WNT3A: variants seen among roughly 807,000 people sequenced by gnomAD.
WNT3A encodes the protein protein Wnt-3a.
WNT3A carries 17 observed loss-of-function variants against 37.0 expected under a neutral mutation model. That is an observed-to-expected ratio of 0.46 (90% CI 0.31 to 0.69). WNT3A has a LOEUF of 0.69. WNT3A is among the 30% of genes least tolerant of loss of function. The pLI is 0.05. For missense variants in WNT3A, 411 were observed against 510.2 expected, an observed-to-expected ratio of 0.81 and a Z score of 1.87; for synonymous variants, 187 against 211.0, an observed-to-expected ratio of 0.89 and a Z score of 0.99.
chr1:228,047,863 T>G (rs2031460094), intron 2 of WNT3A, among the ~76,000 whole-genome samples: 1 of 151,946 alleles, frequency 6.6e-6, no homozygotes, highest in East Asian at 1.9e-4. Context: ...TCACTCATAA[T>G]CTCGAGGACA....
intron 2 of WNT3A, among the ~76,000 whole-genome samples, chr1:228,046,676 T>C (rs1571811267): frequency 1.3e-5 from 2 of 150,958 alleles, no homozygotes; most frequent in East Asian, 3.9e-4. Flanking sequence ...GATGTGCATG[T>C]ATGTGAGTGC....
At chr1:228,036,302 A>C (rs1446360036) in intron 2 of WNT3A, among the ~76,000 whole-genome samples, 3 of 152,060 alleles carry the variant, frequency 2.0e-5, no homozygotes, top group African/African-American at 7.2e-5. Context: ...TAGCGTGTGC[A>C]TTGTGAGGGG....
Position 228,039,032 on chromosome 1 carries a change from C to T in WNT3A, c.314-11624C>T, listed in dbSNP as rs1371841428. On this transcript the variant is annotated intron_variant, in intron 2 of 3. Coordinates refer to ENST00000284523, the MANE Select transcript of WNT3A (RefSeq NM_033131.4). This position sits in a 1 kb window ranked among gnomAD's most constrained non-coding sequence, Gnocchi z 4.1. The stretch of plus-strand genomic sequence containing the variant: ...GTTGGGAGTCTGGGCCCCCAGCACC[C>T]GGCTGGACTGGCCACCATGGAGTCC... Among the ~76,000 whole-genome samples, 3 of 152,128 alleles carry T rather than the reference C, an allele frequency of 2.0e-5. No individual in the cohort carries two copies. Among genetic ancestry groups the T allele is most frequent in the Admixed American group, 6.5e-5 (1 of 15,276 alleles).
At chr1:228,012,727 C>CTGGGGCAGAGGT (rs1465013668) in intron 1 of WNT3A, among the ~76,000 whole-genome samples, 2 of 152,134 alleles carry the variant, frequency 1.3e-5, no homozygotes, top group Non-Finnish European at 2.9e-5. Context: ...GGGGCAGGGG[C>CTGGGGCAGAGGT]TGGGGCAGAG....
At chr1:228,058,243 T>C (rs1408603579) in intron 3 of WNT3A, among the ~76,000 whole-genome samples, 1 of 152,246 alleles carries the variant, frequency 6.6e-6, no homozygotes, top group Non-Finnish European at 1.5e-5. Context: ...CAGCATGCAG[T>C]TGGCACGTAT....
At chr1:228,021,527 G>C (rs1031677183) in intron 1 of WNT3A, among the ~76,000 whole-genome samples, 3 of 152,170 alleles carry the variant, frequency 2.0e-5, no homozygotes, top group Admixed American at 2.0e-4. Context: ...ATGCCTTCGG[G>C]TTTCTGAGCA....
intron 1 of WNT3A, among the ~76,000 whole-genome samples, chr1:228,015,908 C>A (rs996214035): frequency 6.6e-6 from 1 of 152,138 alleles, no homozygotes; most frequent in African/African-American, 2.4e-5. Context: ...TGGGGCCACG[C>A]TTGTCTTAGG....
intron 2 of WNT3A, among the ~76,000 whole-genome samples, chr1:228,025,799 C>T (rs1042209594): frequency 6.6e-6 from 1 of 152,200 alleles, no homozygotes; most frequent in African/African-American, 2.4e-5. Context: ...GAGACAGTGT[C>T]TGGCTCTGTC....
In WNT3A at chr1:228,050,298, T is replaced by C. The variant is rs1163515342; in HGVS notation, c.314-358T>C. ...TACTGTGCCTCTCAAAGTGCTGGGA[T>C]TACAGGCATGAGCCACTGTACTTAG... On this transcript the variant is annotated intron_variant, in intron 2 of 3. Transcript: ENST00000284523. This position sits in a 1 kb window ranked among gnomAD's most constrained non-coding sequence, Gnocchi z 5.0. Among the ~76,000 whole-genome samples the C allele has an allele frequency of 1.3e-5, 2 of 152,208 alleles. No homozygotes were observed. The highest frequency in any genetic ancestry group is 2.9e-5 in the Non-Finnish European group (2 of 68,038).
At chr1:228,058,960 C>A (rs780216246) in intron 3 of WNT3A, 26 bp from the exon 4 acceptor site, 61 of 1,587,450 alleles carry the variant, frequency 3.8e-5, no homozygotes, top group Non-Finnish European at 5.2e-5. Flanking sequence ...GCCGCCCTGA[C>A]GCTGGCTCCT....
intron 2 of WNT3A, among the ~76,000 whole-genome samples, chr1:228,028,842 C>T (rs1265602381): frequency 6.6e-6 from 1 of 152,188 alleles, no homozygotes; most frequent in African/African-American, 2.4e-5. Context: ...CACAAATGCC[C>T]TTTATCCAGT....
intron 2 of WNT3A, among the ~76,000 whole-genome samples, chr1:228,030,193 G>A (rs1289056575): frequency 5.3e-5 from 8 of 151,730 alleles, no homozygotes; most frequent in African/African-American, 1.2e-4. Flanking sequence ...TCAGGAGTTC[G>A]AGACCAGCCT....
chr1:228,055,179 AATATATATAT>A lies in WNT3A; in HGVS notation c.580-3775_580-3766del, dbSNP rs1180107835. On this transcript the variant is annotated intron_variant, in intron 3 of 3. Coordinates refer to ENST00000284523, the MANE Select transcript of WNT3A (RefSeq NM_033131.4). Reference sequence around the variant, plus strand: ...GTCCCAAAAAAAAAAAAAAAAAAAAAATATATATATATATATATATATATATATATATATA... The same window carrying A: ...GTCCCAAAAAAAAAAAAAAAAAAAAAATATATATATATATATATATATATA... Among the ~76,000 whole-genome samples the A allele has an allele frequency of 6.8e-3, 131 of 19,254 alleles. 3 individuals carry two copies. Among genetic ancestry groups the A allele is most frequent in the South Asian group, 0.015 (5 of 326 alleles). The allele number at this position is 19,254 out of a possible 152,430, so 12.6% of individuals were successfully genotyped here. A position where few individuals can be genotyped will look rare whatever the true frequency, so the allele number is the denominator to read the frequency against.
intron 1 of WNT3A, among the ~76,000 whole-genome samples, chr1:228,012,022 C>T (rs1028963062): frequency 6.6e-6 from 1 of 152,264 alleles, no homozygotes; most frequent in Non-Finnish European, 1.5e-5. Flanking sequence ...AGGCCAGCTG[C>T]CCCTCTGACT....
rs2031013490 is a variant in WNT3A, at chr1:228,031,574, G to A, written c.313+8666G>A. Among the ~76,000 whole-genome samples, 1 of 152,122 alleles carries A rather than the reference G, an allele frequency of 6.6e-6. No individual in the cohort carries two copies. Among genetic ancestry groups the A allele is most frequent in the Non-Finnish European group, 1.5e-5 (1 of 67,998 alleles). On this transcript the variant is annotated intron_variant, in intron 2 of 3. Transcript: ENST00000284523. This position sits in a 1 kb window ranked among gnomAD's most constrained non-coding sequence, Gnocchi z 4.8. Reference sequence around the variant, plus strand: ...ATGTGTCATGTGTGCACATGCATGTGGTGTGTGGGGTGTGTGCCTGTGCAT... The same window carrying A: ...ATGTGTCATGTGTGCACATGCATGTAGTGTGTGGGGTGTGTGCCTGTGCAT...
At position 228,031,091 on chromosome 1, in the gene WNT3A, C is replaced by G. The variant is rs1305281309; in HGVS notation, c.313+8183C>G. ...AGCATCCAGTGGCCATGGCCACGCC[C>G]CAGCCCTCATCACGGGCCTGTGTTC... On this transcript the variant is annotated intron_variant, in intron 2 of 3. Transcript: ENST00000284523. This position sits in a 1 kb window ranked among gnomAD's most constrained non-coding sequence, Gnocchi z 4.8. Among the ~76,000 whole-genome samples, 2 of 152,244 alleles carry G rather than the reference C, an allele frequency of 1.3e-5. No individual in the cohort carries two copies. Among genetic ancestry groups the G allele is most frequent in the Non-Finnish European group, 2.9e-5 (2 of 68,042 alleles).
intron 1 of WNT3A, 80 bp from the exon 2 acceptor site, chr1:228,022,587 C>G (rs2030734402): frequency 6.7e-7 from 1 of 1,501,244 alleles, no homozygotes; most frequent in Admixed American, 2.0e-5. Context: ...ACTTGAGGCC[C>G]CAGAGCAAAG....
intron 1 of WNT3A, among the ~76,000 whole-genome samples, chr1:228,021,956 A>G (rs537105889): frequency 6.6e-6 from 1 of 152,348 alleles, no homozygotes; most frequent in South Asian, 2.1e-4. Flanking sequence ...GGGCTGCATC[A>G]TTTCCTGTTA....
Position 228,060,326 on chromosome 1 carries a change from G to T in WNT3A, c.*861G>T, listed in dbSNP as rs77819929. On this transcript the variant is annotated 3_prime_UTR_variant, in exon 4 of 4. Coordinates refer to ENST00000284523, the MANE Select transcript of WNT3A (RefSeq NM_033131.4). ...ATGAAGCGAGTCGGGTCCCCAACCC[G>T]TGCCCCTGGGATCCGAGGGCCCCTC... 1 of 1,344,608 alleles carries T rather than the reference G, an allele frequency of 7.4e-7. No homozygotes were observed. The highest frequency in any genetic ancestry group is 9.8e-7 in the Non-Finnish European group (1 of 1,015,596). 83.3% of individuals were successfully genotyped at this position (1,344,608 alleles called of 1,614,324 possible).
Sources: gnomAD v4.1 joint callset for allele counts (sites outside exome capture counted in the v4.1 genomes callset) on GRCh38, gnomAD v4.1.1 for gene constraint, Gnocchi (gnomAD v3.1) non-coding constraint, MANE v1.5 for transcripts, NCBI Gene and HGNC (gene_info 2026-07-23, HGNC 2026-07-21) for gene names.